The following FAM13B variants were observed in gnomAD, a reference collection of about 807,000 sequenced individuals.
The protein encoded by FAM13B is protein FAM13B.
FAM13B carries 60 observed loss-of-function variants against 117.3 expected under a neutral mutation model. The observed-to-expected ratio is 0.51, with a 90% confidence interval of 0.42 to 0.63. The LOEUF (loss-of-function observed/expected upper bound fraction) is 0.63. Ranked by LOEUF, FAM13B falls within the 30% of genes least tolerant of loss-of-function variation. FAM13B has a pLI of 0.00. For synonymous variants in FAM13B, 332 were observed against 356.1 expected (o/e 0.93, Z 0.76); for missense variants, 972 against 1,091.9 (o/e 0.89, Z 1.55).
At chr5:137,988,367 A>G (rs1000961935) in intron 7 of FAM13B, 52 bp from the exon 8 acceptor site, 1 of 1,443,574 alleles carries the variant, frequency 6.9e-7, no homozygotes. Context: ...CTTAATAACT[A>G]CAAAATGTGC....
rs528561808 is a variant in FAM13B, at chr5:137,979,101, C to T, written c.1179+6156G>A. Among the ~76,000 whole-genome samples the T allele has an allele frequency of 2.4e-4, 37 of 151,950 alleles. No homozygotes were observed. In the South Asian group the frequency reaches 5.0e-3, roughly 21 times the overall value. ...AATCTCAGCTCACTGCAACCTCCTC[C>T]TCCTGGGTTCAAGAGATTCTCCAGC... On this transcript the variant is annotated intron_variant, in intron 10 of 23. Transcript: ENST00000689681.
chr5:137,963,326 G>T (rs1013694062), intron 10 of FAM13B, among the ~76,000 whole-genome samples: 1 of 152,168 alleles, frequency 6.6e-6, no homozygotes, highest in East Asian at 1.9e-4. Flanking sequence ...AGTCAAACAG[G>T]TATCAACAAT....
chr5:137,991,593 C>A (rs1778612661), intron 7 of FAM13B, among the ~76,000 whole-genome samples: 3 of 152,024 alleles, frequency 2.0e-5, no homozygotes. Flanking sequence ...ATGGCACCCA[C>A]ACAAAAAAAT....
chr5:137,990,904 T>A (rs1390329410), intron 7 of FAM13B, among the ~76,000 whole-genome samples: 1 of 152,186 alleles, frequency 6.6e-6, no homozygotes, highest in Non-Finnish European at 1.5e-5. Flanking sequence ...GTGGGAAGGT[T>A]AATGAGTAAA....
At chr5:138,015,936 G>T (rs983767230) in intron 4 of FAM13B, among the ~76,000 whole-genome samples, 1 of 152,160 alleles carries the variant, frequency 6.6e-6, no homozygotes, top group African/African-American at 2.4e-5. Flanking sequence ...TGTATAAGTG[G>T]AAAATAGAAG....
intron 1 of FAM13B, among the ~76,000 whole-genome samples, chr5:138,029,685 T>C (rs1010523176): frequency 1.3e-5 from 2 of 152,210 alleles, no homozygotes; most frequent in Non-Finnish European, 2.9e-5. Flanking sequence ...CTCACCCCAA[T>C]GCAAAATGAT....
chr5:137,958,166 TA>T (rs1767118820), intron 13 of FAM13B, among the ~76,000 whole-genome samples: 1 of 152,142 alleles, frequency 6.6e-6, no homozygotes, highest in African/African-American at 2.4e-5. Context: ...TCAGCCACAA[TA>T]AATAACAAAA....
chr5:138,000,076 T>A (rs1780829057), intron 7 of FAM13B, among the ~76,000 whole-genome samples: 1 of 152,044 alleles, frequency 6.6e-6, no homozygotes, highest in Non-Finnish European at 1.5e-5. Context: ...ACTTTTCATT[T>A]AAAAAAAATT....
At chr5:137,986,958 C>T (rs975203194) in intron 9 of FAM13B, among the ~76,000 whole-genome samples, 3 of 152,108 alleles carry the variant, frequency 2.0e-5, no homozygotes, top group Non-Finnish European at 4.4e-5. Flanking sequence ...ATTAGGGATG[C>T]TCAACCTGTA....
intron 10 of FAM13B, among the ~76,000 whole-genome samples, chr5:137,964,912 A>T (rs1019947810): frequency 6.6e-6 from 1 of 152,046 alleles, no homozygotes; most frequent in African/African-American, 2.4e-5. Flanking sequence ...CACACTTGTA[A>T]TCCCAACACT....
chr5:137,972,602 C>T (rs1772563501), intron 10 of FAM13B, among the ~76,000 whole-genome samples: 1 of 152,026 alleles, frequency 6.6e-6, no homozygotes, highest in African/African-American at 2.4e-5. Context: ...GTTGGAAGTT[C>T]TGGCCAGGGC....
rs1244236684 is a variant in FAM13B at position 137,938,418 on chromosome 5, T to C, written c.*1807A>G. ...ATAAGATACACAGTGCACATAAAAT[T>C]AGATGTTTGGATACACTCCTATCTG... On this transcript the variant is annotated 3_prime_UTR_variant, in exon 24 of 24. Coordinates refer to ENST00000689681, the MANE Select transcript of FAM13B (RefSeq NM_001385994.1). 2 of 152,614 alleles carry C rather than the reference T, an allele frequency of 1.3e-5. No homozygotes were observed. Among genetic ancestry groups the C allele is most frequent in the African/African-American group, 4.8e-5 (2 of 41,440 alleles). 9.5% of individuals were successfully genotyped at this position (152,614 alleles called of 1,614,324 possible). A position where few individuals can be genotyped will look rare whatever the true frequency, so the allele number is the denominator to read the frequency against.
At chr5:137,950,724 G>A (rs1031193090) in intron 17 of FAM13B, among the ~76,000 whole-genome samples, 1 of 151,998 alleles carries the variant, frequency 6.6e-6, no homozygotes, top group Non-Finnish European at 1.5e-5. Context: ...GCAGCAGACG[G>A]ACTACAGAGC....
intron 13 of FAM13B, among the ~76,000 whole-genome samples, chr5:137,957,999 C>T (rs957830763): frequency 1.3e-5 from 2 of 152,198 alleles, no homozygotes; most frequent in African/African-American, 4.8e-5. Context: ...AAAATTTAAT[C>T]AGGACTCCCA....
chr5:137,997,056 A>G (rs903982791), intron 7 of FAM13B, among the ~76,000 whole-genome samples: 1 of 152,214 alleles, frequency 6.6e-6, no homozygotes, highest in Non-Finnish European at 1.5e-5. Context: ...TCCCAATACA[A>G]CACAGGAAAA....
chr5:137,959,562 A>G, intron 13 of FAM13B, 54 bp downstream of exon 13: 1 of 1,584,100 alleles, frequency 6.3e-7, no homozygotes, highest in Non-Finnish European at 8.7e-7. Flanking sequence ...TGCTTAGGGT[A>G]ATTTCGGTTA....
intron 19 of FAM13B, 100 bp from the exon 20 acceptor site, chr5:137,946,097 A>G: frequency 7.9e-7 from 1 of 1,264,732 alleles, no homozygotes; most frequent in Non-Finnish European, 1.1e-6. Flanking sequence ...TTTTATATTA[A>G]ATACATAGGC....
At chr5:137,987,787 A>C (rs1292840127) in intron 8 of FAM13B, among the ~76,000 whole-genome samples, 171 bp from the exon 9 acceptor site, 2 of 152,344 alleles carry the variant, frequency 1.3e-5, no homozygotes, top group Non-Finnish European at 2.9e-5. Flanking sequence ...CTTAAGTTTT[A>C]AAAGTAAAAT....
At chr5:137,948,543 CTA>C (rs1312910026) in intron 18 of FAM13B, among the ~76,000 whole-genome samples, 2 of 152,174 alleles carry the variant, frequency 1.3e-5, no homozygotes, top group Non-Finnish European at 2.9e-5. Context: ...CAGGTGCATA[CTA>C]CCACATCCAG....
Sources: gnomAD v4.1 joint callset for allele counts (sites outside exome capture counted in the v4.1 genomes callset) on GRCh38, gnomAD v4.1.1 for gene constraint, MANE v1.5 for transcripts, NCBI Gene and HGNC (gene_info 2026-07-23, HGNC 2026-07-21) for gene names.